MAP3K7CL: variants seen among roughly 807,000 people sequenced by gnomAD.
MAP3K7CL encodes MAP3K7 C-terminal like, also known as MAP3K7 C-terminal-like protein.
A neutral mutation model predicts 18.6 loss-of-function variants in MAP3K7CL; 16 were observed. That is an observed-to-expected ratio of 0.86 (90% CI 0.58 to 1.31). The LOEUF (loss-of-function observed/expected upper bound fraction) is 1.31. Ranked by LOEUF, MAP3K7CL falls within the 50% of genes most tolerant of loss-of-function variation. The pLI is 0.00. For missense variants in MAP3K7CL, 163 were observed against 174.4 expected (o/e 0.93, Z 0.37); for synonymous variants, 65 against 66.8 (o/e 0.97, Z 0.13).
intron 3 of MAP3K7CL, among the ~76,000 whole-genome samples, chr21:29,156,103 A>C (rs2087398177): frequency 6.6e-6 from 1 of 152,222 alleles, no homozygotes; most frequent in Non-Finnish European, 1.5e-5. Context: ...AAGTGTATCC[A>C]AAATTGGAGG....
intron 2 of MAP3K7CL, among the ~76,000 whole-genome samples, chr21:29,138,486 A>G (rs1180228120): frequency 6.6e-6 from 1 of 152,220 alleles, no homozygotes; most frequent in Non-Finnish European, 1.5e-5. Flanking sequence ...TTGGACAGAC[A>G]TTAGGATTTC....
chr21:29,137,400 G>C (rs75643135), intron 2 of MAP3K7CL, among the ~76,000 whole-genome samples: 1,650 of 152,264 alleles, frequency 0.011, 40 homozygotes, highest in African/African-American at 0.038. Flanking sequence ...TGTAAGGCAA[G>C]ATGTTTGGAG....
chr21:29,153,479 G>A (rs981438686), intron 3 of MAP3K7CL, among the ~76,000 whole-genome samples: 2 of 152,072 alleles, frequency 1.3e-5, no homozygotes, highest in African/African-American at 2.4e-5. Context: ...ACAAAGTCTT[G>A]CTCTGTCACC....
intron 2 of MAP3K7CL, chr21:29,139,483 A>G (rs532499657): frequency 6.6e-6 from 1 of 152,296 alleles, no homozygotes; most frequent in South Asian, 2.1e-4. Context: ...CTTCGGATCT[A>G]GTAATCTCTT....
chr21:29,111,384 G>A (rs1425864390), intron 4 of MAP3K7CL, among the ~76,000 whole-genome samples: 3 of 152,182 alleles, frequency 2.0e-5, no homozygotes, highest in Non-Finnish European at 2.9e-5. Context: ...TTCTGGGTGT[G>A]TCAGGTGGGC....
chr21:29,163,012 G>A (rs1196409017), intron 4 of MAP3K7CL, among the ~76,000 whole-genome samples: 1 of 152,184 alleles, frequency 6.6e-6, no homozygotes, highest in African/African-American at 2.4e-5. Context: ...TCAAGAGGCT[G>A]AGTCATGAGA....
At chr21:29,160,465 G>A (rs2832225) in intron 4 of MAP3K7CL, among the ~76,000 whole-genome samples, 18,299 of 152,222 alleles carry the variant, frequency 0.12, 1,210 homozygotes, top group African/African-American at 0.15. Context: ...CGTTTTAGTT[G>A]ACTGACTACA....
intron 2 of MAP3K7CL, among the ~76,000 whole-genome samples, chr21:29,147,467 C>T (rs2087158641): frequency 6.6e-6 from 1 of 151,358 alleles, no homozygotes; most frequent in Admixed American, 6.6e-5. Flanking sequence ...GTGTACTGTA[C>T]ATATCTTATT....
chr21:29,159,043 C>T (rs1350184634), intron 3 of MAP3K7CL, among the ~76,000 whole-genome samples: 4 of 151,132 alleles, frequency 2.6e-5, no homozygotes, highest in African/African-American at 9.7e-5. Context: ...GCTTCAGTCT[C>T]CTAAGTAGCT....
chr21:29,171,737 G>T (rs1159619667), intron 4 of MAP3K7CL, among the ~76,000 whole-genome samples: 2 of 148,864 alleles, frequency 1.3e-5, no homozygotes, highest in Non-Finnish European at 3.0e-5. Flanking sequence ...ATCCCAGGAG[G>T]CAGAGGTTGA....
intron 4 of MAP3K7CL, among the ~76,000 whole-genome samples, chr21:29,162,417 C>T (rs1189511293): frequency 2.0e-5 from 3 of 151,404 alleles, no homozygotes; most frequent in Non-Finnish European, 4.4e-5. Flanking sequence ...CGCAGTGTCT[C>T]ACACCTGTAA....
In MAP3K7CL at chr21:29,133,327, G is replaced by A. The variant is rs570708356; in HGVS notation, c.-18G>A. ...ACAGCTGGAAGACCCAGGAGAAGGC[G>A]GAGGCTCAGGTGCCCACATGATCAG... On this transcript the variant is annotated 5_prime_UTR_variant, in exon 2 of 5. Transcript: ENST00000399928. The A allele has an allele frequency of 4.8e-5, 75 of 1,550,352 alleles. No homozygotes were observed. The highest frequency in any genetic ancestry group is 2.6e-4 in the African/African-American group (19 of 73,162).
intron 2 of MAP3K7CL, chr21:29,145,797 G>A (rs762041381): frequency 7.3e-5 from 11 of 151,460 alleles, no homozygotes; most frequent in Non-Finnish European, 1.3e-4. Context: ...TTTAACAAAA[G>A]TCTTACTTTT....
At chr21:29,146,262 G>A (rs1288349201) in intron 2 of MAP3K7CL, among the ~76,000 whole-genome samples, 2 of 152,182 alleles carry the variant, frequency 1.3e-5, no homozygotes, top group Non-Finnish European at 2.9e-5. Flanking sequence ...GGATGCACAA[G>A]TACAGTGTGT....
intron 4 of MAP3K7CL, among the ~76,000 whole-genome samples, chr21:29,095,208 G>A (rs553211206): frequency 8.6e-5 from 13 of 151,774 alleles, no homozygotes; most frequent in African/African-American, 2.2e-4. Flanking sequence ...ACATGTATGC[G>A]TGTCTGTATG....
At position 29,165,161 on chromosome 21, in the gene MAP3K7CL, GT is replaced by G. The variant is rs1165533884; in HGVS notation, c.248+5107del. Among the ~76,000 whole-genome samples the G allele has an allele frequency of 5.3e-5, 8 of 152,158 alleles. No homozygotes were observed. The East Asian group carries it at 1.5e-3, about 29-fold the overall frequency. ...TACAATCAACTGTAAAGTTTGCTTT[GT>G]TCCAGATAAAGCATTTTATCTCATC... On this transcript the variant is annotated intron_variant, in intron 4 of 4. Coordinates refer to ENST00000399928, the MANE Select transcript of MAP3K7CL (RefSeq NM_001286620.2).
intron 3 of MAP3K7CL, among the ~76,000 whole-genome samples, chr21:29,151,390 GAGGTTGCAGTGAGCCCA>G (rs1478752879): frequency 6.6e-6 from 1 of 151,976 alleles, no homozygotes. Flanking sequence ...CCAGGAGGCG[GAGGTTGCAGTGAGCCCA>G]AGGTTGCTGT....
chr21:29,159,952 T>G lies in MAP3K7CL; in HGVS notation c.144T>G (p.Pro48=). 3.7e-6 allele frequency: 6 copies of G among 1,613,684 alleles called. No individual in the cohort carries two copies. Among genetic ancestry groups the G allele is most frequent in the Non-Finnish European group, 5.1e-6 (6 of 1,179,718 alleles). Residue 48 remains proline, a synonymous_variant, in exon 4 of 5, where the codon CCT becomes CCG. Coordinates refer to ENST00000399928, the MANE Select transcript of MAP3K7CL (RefSeq NM_001286620.2). The stretch of plus-strand genomic sequence containing the variant: ...TGTTGTTTGTGAAGCCCCTGCCGCC[T>G]TGTCATGACTCCGAGGAATCCATGG... ...ELDQQLQPLP[P]CHDSEESMEV... is the part of the protein sequence containing the mutation.
intron 4 of MAP3K7CL, among the ~76,000 whole-genome samples, chr21:29,120,844 T>A (rs1183422212): frequency 6.6e-6 from 1 of 151,758 alleles, no homozygotes; most frequent in African/African-American, 2.4e-5. Context: ...GGTGGGTGGA[T>A]TGCTTTAGCC....
Sources: gnomAD v4.1 joint callset for allele counts (sites outside exome capture counted in the v4.1 genomes callset) on GRCh38, gnomAD v4.1.1 for gene constraint, MANE v1.5 for transcripts, NCBI Gene and HGNC (gene_info 2026-07-23, HGNC 2026-07-21) for gene names.